The following WWOX variants were observed in gnomAD, a reference collection of about 807,000 sequenced individuals.
WWOX encodes the protein WW domain containing oxidoreductase, also known as WW domain-containing oxidoreductase.
WWOX carries 69 observed loss-of-function variants against 46.2 expected under a neutral mutation model. The ratio of observed to expected loss-of-function variants is 1.49; its 90% confidence interval spans 1.23 to 1.82. The LOEUF (loss-of-function observed/expected upper bound fraction) is 1.82, where lower values mean the gene tolerates loss of function less well. Ranked by LOEUF, WWOX falls within the 40% of genes most tolerant of loss-of-function variation. The pLI is 0.00. For synonymous variants in WWOX, 359 were observed against 202.6 expected (o/e 1.77, Z -6.56); for missense variants, 919 against 542.6 (o/e 1.69, Z -6.89).
intron 8 of WWOX, among the ~76,000 whole-genome samples, chr16:79,105,346 C>G (rs1425206700): frequency 3.3e-5 from 5 of 152,112 alleles, no homozygotes; most frequent in Admixed American, 2.6e-4. Flanking sequence ...GAACGGTCAT[C>G]ATCTCAAAAC....
chr16:78,961,631 C>A (rs556136125), intron 8 of WWOX, among the ~76,000 whole-genome samples: 56 of 152,188 alleles, frequency 3.7e-4, no homozygotes, highest in African/African-American at 1.3e-3. Context: ...GGACTCTTTA[C>A]AAAGAGTCTT....
intron 5 of WWOX, among the ~76,000 whole-genome samples, chr16:78,332,423 T>A (rs993649336): frequency 6.6e-6 from 1 of 152,124 alleles, no homozygotes; most frequent in Non-Finnish European, 1.5e-5. Context: ...TCCAGCGGAG[T>A]AGCCTGTGAT....
intron 4 of WWOX, among the ~76,000 whole-genome samples, chr16:78,137,301 G>T (rs182958521): frequency 6.6e-6 from 1 of 152,136 alleles, no homozygotes; most frequent in Non-Finnish European, 1.5e-5. Flanking sequence ...ATAACTAGAC[G>T]TGCTGTTTTG....
At chr16:79,161,631 C>T (rs1303594963) in intron 8 of WWOX, among the ~76,000 whole-genome samples, 1 of 152,050 alleles carries the variant, frequency 6.6e-6, no homozygotes, top group Non-Finnish European at 1.5e-5. Flanking sequence ...CAAGCGATTC[C>T]CCTGCCTCAG....
rs1567512266 is a variant in WWOX at position 78,340,715 on chromosome 16, C to T, written c.517-46145C>T. 2.5e-5 allele frequency among the ~76,000 whole-genome samples: 3 copies of T among 118,756 alleles called. 1 individual carries two copies. Among genetic ancestry groups the T allele is most frequent in the African/African-American group, 8.6e-5 (3 of 34,958 alleles). 77.9% of individuals were successfully genotyped at this position (118,756 alleles called of 152,430 possible). On this transcript the variant is annotated intron_variant, in intron 5 of 8. Coordinates refer to ENST00000566780, the MANE Select transcript of WWOX (RefSeq NM_016373.4). ...TGTGTCCTGTTGGCAGAACAAATAT[C>T]CCACAGAAGGATCTTCTTATCTTCT...
At chr16:78,218,239 G>A (rs1404319035) in intron 5 of WWOX, among the ~76,000 whole-genome samples, 2 of 151,938 alleles carry the variant, frequency 1.3e-5, no homozygotes, top group African/African-American at 4.8e-5. Flanking sequence ...TTATATTTAT[G>A]TATGTGCATG....
intron 8 of WWOX, among the ~76,000 whole-genome samples, chr16:79,021,271 A>C (rs551450709): frequency 2.2e-4 from 33 of 152,166 alleles, no homozygotes; most frequent in Non-Finnish European, 3.4e-4. Context: ...TGGGCTCTAC[A>C]AGGTGCTAGG....
rs138845497 is a variant in WWOX at position 78,663,029 on chromosome 16, C to G, written c.1056+230277C>G. On this transcript the variant is annotated intron_variant, in intron 8 of 8. Transcript: ENST00000566780. ...AGATTATTCAGTACTGCAATAGTCT[C>G]CCTTTAAAGTGGACAATTCATTGGC... Among the ~76,000 whole-genome samples the G allele has an allele frequency of 9.9e-5, 15 of 152,268 alleles. No homozygotes were observed. The East Asian group carries it at 2.7e-3, about 27-fold the overall frequency.
rs771003650 is a variant in WWOX, at chr16:78,599,911, G to A, written c.1056+167159G>A. Reference sequence around the variant, plus strand: ...CGCATTTCTAGGACTCAAAGATGCCGTGGGGGTGTATTAGTCTGTTTCCTT... The same window carrying A: ...CGCATTTCTAGGACTCAAAGATGCCATGGGGGTGTATTAGTCTGTTTCCTT... On this transcript the variant is annotated intron_variant, in intron 8 of 8. Transcript: ENST00000566780. Among the ~76,000 whole-genome samples the A allele has an allele frequency of 7.2e-5, 11 of 152,124 alleles. No homozygotes were observed. The East Asian group carries it at 1.5e-3, about 21-fold the overall frequency.
intron 8 of WWOX, among the ~76,000 whole-genome samples, chr16:78,995,204 C>T (rs1261713946): frequency 6.6e-6 from 1 of 152,030 alleles, no homozygotes; most frequent in Non-Finnish European, 1.5e-5. Flanking sequence ...TGCTTGCATT[C>T]TTTCCAAATA....
intron 8 of WWOX, among the ~76,000 whole-genome samples, chr16:79,049,912 G>C (rs770912663): frequency 6.6e-6 from 1 of 152,020 alleles, no homozygotes; most frequent in Non-Finnish European, 1.5e-5. Flanking sequence ...GAAGGACATG[G>C]AGTGGTAAAA....
At chr16:79,025,349 C>T (rs2047616669) in intron 8 of WWOX, among the ~76,000 whole-genome samples, 1 of 152,158 alleles carries the variant, frequency 6.6e-6, no homozygotes, top group Admixed American at 6.5e-5. Context: ...GGAACCTAGA[C>T]ATTTGAGAAA....
At chr16:78,142,747 C>A (rs1212443093) in intron 4 of WWOX, among the ~76,000 whole-genome samples, 1 of 152,246 alleles carries the variant, frequency 6.6e-6, no homozygotes, top group South Asian at 2.1e-4. Flanking sequence ...CTTATTTAGG[C>A]TGATCTGAGC....
At chr16:78,524,794 G>A (rs1173662150) in intron 8 of WWOX, among the ~76,000 whole-genome samples, 1 of 139,874 alleles carries the variant, frequency 7.1e-6, no homozygotes, top group Admixed American at 7.2e-5. Context: ...GGAGGTCAAA[G>A]TATGAACTAT....
intron 8 of WWOX, among the ~76,000 whole-genome samples, chr16:78,798,255 C>T (rs1031500500): frequency 2.6e-5 from 4 of 151,888 alleles, no homozygotes; most frequent in Non-Finnish European, 5.9e-5. Flanking sequence ...TTTGGGCTTC[C>T]AGAATCTGGG....
intron 8 of WWOX, among the ~76,000 whole-genome samples, chr16:78,502,636 G>A (rs2085098698): frequency 6.6e-6 from 1 of 152,152 alleles, no homozygotes; most frequent in Non-Finnish European, 1.5e-5. Flanking sequence ...GAGCATCTGT[G>A]TTGTCCACAA....
chr16:78,637,580 C>T (rs2046604519), intron 8 of WWOX, among the ~76,000 whole-genome samples: 1 of 152,224 alleles, frequency 6.6e-6, no homozygotes, highest in Non-Finnish European at 1.5e-5. Context: ...CCTTCTACTA[C>T]ATCCCCTTTC....
At chr16:79,195,605 G>A (rs557550956) in intron 8 of WWOX, among the ~76,000 whole-genome samples, 2 of 152,288 alleles carry the variant, frequency 1.3e-5, no homozygotes, top group South Asian at 2.1e-4. Flanking sequence ...CTAACTTCAG[G>A]GTATATTCAT....
In WWOX at chr16:78,350,461, C is replaced by A. The variant is rs114433388; in HGVS notation, c.517-36399C>A. On this transcript the variant is annotated intron_variant, in intron 5 of 8. Transcript: ENST00000566780. ...CCCCACTTCCTTTTCTCTCCACTCC[C>A]AACCTCTCTCCCAGCTCCAGGTAAC... Among the ~76,000 whole-genome samples, 358 of 120,768 alleles carry A rather than the reference C, an allele frequency of 3.0e-3. 73 individuals are homozygous for A. The highest frequency in any genetic ancestry group is 9.8e-3 in the African/African-American group (349 of 35,698). 79.2% of individuals were successfully genotyped at this position (120,768 alleles called of 152,430 possible).
Sources: gnomAD v4.1 joint callset for allele counts (sites outside exome capture counted in the v4.1 genomes callset) on GRCh38, gnomAD v4.1.1 for gene constraint, MANE v1.5 for transcripts, NCBI Gene and HGNC (gene_info 2026-07-23, HGNC 2026-07-21) for gene names.